Variants in CRK observed in about 807,000 individuals in gnomAD.
CRK encodes the protein CRK proto-oncogene, adaptor protein.
CRK carries 4 observed loss-of-function variants against 29.8 expected under a neutral mutation model. The ratio of observed to expected loss-of-function variants is 0.13; its 90% CI spans 0.07 to 0.31. The LOEUF (loss-of-function observed/expected upper bound fraction) is 0.31. Ranked by LOEUF, CRK falls within the 10% of genes least tolerant of loss-of-function variation. The pLI is 1.00. For synonymous variants in CRK, 153 were observed against 164.9 expected (o/e 0.93, Z 0.55); for missense variants, 274 against 396.5 (o/e 0.69, Z 2.62).
rs533245864 is a variant in CRK, at chr17:1,422,974, G to A, written c.*539C>T. 3.7e-4 allele frequency: 148 copies of A among 398,986 alleles called. No individual in the cohort carries two copies. The highest frequency in any genetic ancestry group is 5.7e-4 in the Non-Finnish European group (129 of 226,226). 24.7% of individuals were successfully genotyped at this position (398,986 alleles called of 1,614,324 possible). ...TAGGAGGGAACAAATGCTTCTAGTA[G>A]TGTTCTTAGAATTCTTAGGATCTGA... On this transcript the variant is annotated 3_prime_UTR_variant, in exon 3 of 3. Transcript: ENST00000300574.
At chr17:1,446,534 G>GT (rs2073975943) in intron 1 of CRK, among the ~76,000 whole-genome samples, 2 of 151,410 alleles carry the variant, frequency 1.3e-5, no homozygotes, top group Admixed American at 6.6e-5. Flanking sequence ...GTAGGAAGCA[G>GT]GTTTAATTCT....
chr17:1,454,816 T>A (rs955759075), intron 1 of CRK, among the ~76,000 whole-genome samples: 1 of 152,196 alleles, frequency 6.6e-6, no homozygotes, highest in Non-Finnish European at 1.5e-5. Context: ...TCTCCAGTAC[T>A]AAGGGCATCT....
intron 2 of CRK, among the ~76,000 whole-genome samples, chr17:1,431,864 G>C (rs2073847665): frequency 6.6e-6 from 1 of 152,094 alleles, no homozygotes; most frequent in Admixed American, 6.6e-5. Flanking sequence ...ACAATACAAA[G>C]GAATGTACTA....
At position 1,421,879 on chromosome 17, in the gene CRK, C is replaced by G. The variant is rs765509891; in HGVS notation, c.*1634G>C. 2.0e-5 allele frequency: 3 copies of G among 152,126 alleles called. No individual in the cohort carries two copies. In the South Asian group the frequency reaches 6.2e-4, roughly 31 times the overall value. 9.4% of individuals were successfully genotyped at this position (152,126 alleles called of 1,614,324 possible). A position where few individuals can be genotyped will look rare whatever the true frequency, so the allele number is the denominator to read the frequency against. On this transcript the variant is annotated 3_prime_UTR_variant, in exon 3 of 3. Transcript: ENST00000300574. ...CTATTGGTCATACCACACCAGAGAC[C>G]GGTAAGTGCCTTTATAGACTGAGAA...
chr17:1,429,090 C>T (rs1464981750), intron 2 of CRK, among the ~76,000 whole-genome samples: 2 of 150,788 alleles, frequency 1.3e-5, no homozygotes, highest in East Asian at 2.0e-4. Context: ...TCAGGTGATC[C>T]GCCCACCTTG....
chr17:1,444,549 G>A (rs947032252), intron 1 of CRK, among the ~76,000 whole-genome samples: 2 of 149,766 alleles, frequency 1.3e-5, no homozygotes, highest in Admixed American at 1.3e-4. Context: ...AAAAAGCTGG[G>A]CGTGGTGGCT....
At position 1,422,432 on chromosome 17, in the gene CRK, G is replaced by C. The variant is rs1430354837; in HGVS notation, c.*1081C>G. The C allele has an allele frequency of 1.3e-5, 2 of 152,112 alleles. No homozygotes were observed. The highest frequency in any genetic ancestry group is 4.8e-5 in the African/African-American group (2 of 41,372). The allele number at this position is 152,112 out of a possible 1,614,324, so 9.4% of individuals were successfully genotyped here. On this transcript the variant is annotated 3_prime_UTR_variant, in exon 3 of 3. Transcript: ENST00000300574. ...CCCGCCTCGGCCTCCCAAAGTGCTGGGATTACAGACGTGAGCCACCGCGCC... is the reference window on the plus strand; with the variant it reads ...CCCGCCTCGGCCTCCCAAAGTGCTGCGATTACAGACGTGAGCCACCGCGCC...
intron 2 of CRK, 34 bp downstream of exon 2, chr17:1,436,586 G>C (rs749780717): frequency 9.0e-6 from 14 of 1,561,676 alleles, no homozygotes; most frequent in Non-Finnish European, 1.2e-5. Context: ...CCCTGCAGCA[G>C]ATCTCTTCTT....
At chr17:1,435,063 T>C (rs962952770) in intron 2 of CRK, among the ~76,000 whole-genome samples, 1 of 152,082 alleles carries the variant, frequency 6.6e-6, no homozygotes, top group Non-Finnish European at 1.5e-5. Context: ...TGGCTTTTTT[T>C]CTTTTTCTTT....
chr17:1,442,186 G>T (rs1044239620), intron 1 of CRK, among the ~76,000 whole-genome samples: 171 of 147,636 alleles, frequency 1.2e-3, no homozygotes, highest in African/African-American at 4.1e-3. Context: ...ACAGGGTCTT[G>T]TTCTGTCACC....
chr17:1,456,084 T>C lies in CRK; in HGVS notation c.34A>G (p.Ser12Gly). The C allele has an allele frequency of 6.4e-7, 1 of 1,568,944 alleles. No individual in the cohort carries two copies. Among genetic ancestry groups the C allele is most frequent in the Non-Finnish European group, 8.6e-7 (1 of 1,160,866 alleles). Residue 12 changes from serine (S) to glycine (G), a missense_variant, in exon 1 of 3, where the codon AGC becomes GGC. Around this residue, in one of 3 missense-constraint regions of CRK, gnomAD observed 135 missense variants for 180.9 expected, o/e 0.75. Coordinates refer to ENST00000300574, the MANE Select transcript of CRK (RefSeq NM_016823.4). ...CGACTCAACCTCCCCCAGTACCAGC[T>C]ACTCCGCTCCTCCGAGTCGAAGTTG... Reference protein sequence around the residue: ...AGNFDSEERSSWYWGRLSRQE... With the variant: ...AGNFDSEERSGWYWGRLSRQE...
At chr17:1,428,703 T>C (rs755623804) in intron 2 of CRK, among the ~76,000 whole-genome samples, 1 of 150,496 alleles carries the variant, frequency 6.6e-6, no homozygotes. Context: ...TTTGTATTTA[T>C]AGTAGAGATG....
intron 1 of CRK, among the ~76,000 whole-genome samples, chr17:1,439,995 A>G (rs2073921646): frequency 6.6e-6 from 1 of 152,046 alleles, no homozygotes; most frequent in Non-Finnish European, 1.5e-5. Flanking sequence ...CACTACAAAA[A>G]TTATTTAAAA....
chr17:1,451,192 C>CAAAAAAAAAAA (rs10691537), intron 1 of CRK, among the ~76,000 whole-genome samples: 9 of 66,964 alleles, frequency 1.3e-4, no homozygotes, highest in African/African-American at 5.0e-4. Flanking sequence ...GAAACTGTCT[C>CAAAAAAAAAAA]AAAAAAAAAA....
In CRK at chr17:1,437,021, C is replaced by T. The variant is rs769953070; in HGVS notation, c.376G>A (p.Gly126Arg). The change falls in exon 2 of 3, where the codon GGA becomes AGA. Residue 126 changes from glycine (G) to arginine (R), a missense_variant. Physicochemically the swap from Gly to Arg is moderately radical, Grantham distance 125. Around this residue, in one of 3 missense-constraint regions of CRK, gnomAD observed 135 missense variants for 180.9 expected, o/e 0.75. Coordinates refer to ENST00000300574, the MANE Select transcript of CRK (RefSeq NM_016823.4). Reference protein sequence around the residue: ...EPVSRSRQGSGVILRQEEAEY... With the variant: ...EPVSRSRQGSRVILRQEEAEY... ...GCCTCCTCCTGCCTGAGAATCACTC[C>T]ACTACCCTGCCTGGATCTGGAAACT... 2.1e-5 allele frequency: 34 copies of T among 1,613,996 alleles called. No individual in the cohort carries two copies. In the Admixed American group the frequency reaches 4.5e-4, roughly 21 times the overall value.
Position 1,422,867 on chromosome 17 carries a change from TA to T in CRK, c.*645del. The T allele has an allele frequency of 2.5e-6, 1 of 398,564 alleles. No homozygotes were observed. The highest frequency in any genetic ancestry group is 4.4e-6 in the Non-Finnish European group (1 of 226,106). 24.7% of individuals were successfully genotyped at this position (398,564 alleles called of 1,614,324 possible). ...CTGGAATGAAAATACACACTTATCT[TA>T]GGAATTCACCTACTTACAGGTTTGG... is the stretch of plus-strand genomic sequence containing the variant. On this transcript the variant is annotated 3_prime_UTR_variant, in exon 3 of 3. Transcript: ENST00000300574.
chr17:1,454,306 C>T (rs770361249), intron 1 of CRK, among the ~76,000 whole-genome samples: 4 of 151,260 alleles, frequency 2.6e-5, no homozygotes, highest in African/African-American at 4.9e-5. Flanking sequence ...TTTGGGAGGC[C>T]GAGGCTGGTG....
intron 1 of CRK, among the ~76,000 whole-genome samples, chr17:1,447,181 C>G (rs2073982125): frequency 6.6e-6 from 1 of 152,012 alleles, no homozygotes; most frequent in African/African-American, 2.4e-5. Context: ...CTTCCAACCA[C>G]AAACAGCCAA....
chr17:1,433,509 CTTTTTTTT>C (rs60236552), intron 2 of CRK, among the ~76,000 whole-genome samples: 12 of 58,592 alleles, frequency 2.0e-4, no homozygotes, highest in Admixed American at 5.2e-4. Flanking sequence ...CCACGCCTGG[CTTTTTTTT>C]TTTTTTTTTT....
Sources: allele counts gnomAD v4.1 joint callset (sites outside exome capture counted in the v4.1 genomes callset), GRCh38; gene constraint gnomAD v4.1.1; regional missense constraint gnomAD v4.1.1; transcripts MANE v1.5; gene names NCBI Gene and HGNC (gene_info 2026-07-23, HGNC 2026-07-21).